Variants in TRPM2 observed in about 807,000 individuals in gnomAD.
TRPM2 encodes the protein estrogen-responsive element-associated gene 1 protein.
TRPM2 carries 161 observed loss-of-function variants against 174.0 expected under a neutral mutation model. The ratio of observed to expected loss-of-function variants is 0.93; its 90% CI spans 0.81 to 1.05. TRPM2 has a LOEUF of 1.05. Among genes scored for constraint, TRPM2 ranks in the 50% least tolerant of loss-of-function variants. The probability of loss-of-function intolerance (pLI) is 0.00; values close to 1 mark genes in which losing one functional copy is unlikely to be tolerated. For synonymous variants in TRPM2, 954 were observed against 861.3 expected, an observed-to-expected ratio of 1.11 and a Z score of -1.88; for missense variants, 2,057 against 2,038.0, an observed-to-expected ratio of 1.01 and a Z score of -0.18.
chr21:44,420,730 A>C (rs2050518991), intron 22 of TRPM2, among the ~76,000 whole-genome samples: 1 of 152,224 alleles, frequency 6.6e-6, no homozygotes, highest in Non-Finnish European at 1.5e-5. Flanking sequence ...TCCGCATGTC[A>C]GGATGAAGCT....
upstream of TRPM2, chr21:44,353,495 T>C (rs2047964410): frequency 3.2e-6 from 2 of 625,778 alleles, no homozygotes; most frequent in Non-Finnish European, 2.4e-6. Flanking sequence ...GCTGGGAACA[T>C]GTGCAGGCTG....
At chr21:44,352,043 G>A (rs1263229185), upstream of TRPM2, among the ~76,000 whole-genome samples, 1 of 152,184 alleles carries the variant, frequency 6.6e-6, no homozygotes, top group Non-Finnish European at 1.5e-5. Flanking sequence ...GCCTGCCTGG[G>A]GAGCCACCTG....
chr21:44,435,320 C>T, intron 28 of TRPM2, 103 bp downstream of exon 28: 1 of 1,298,458 alleles, frequency 7.7e-7, no homozygotes, highest in Non-Finnish European at 1.1e-6. Flanking sequence ...GGGAGGGCGG[C>T]TTTGATGCTT....
At chr21:44,402,981 G>A (rs1475061935) in intron 16 of TRPM2, among the ~76,000 whole-genome samples, 1 of 152,162 alleles carries the variant, frequency 6.6e-6, no homozygotes, top group Non-Finnish European at 1.5e-5. Flanking sequence ...CTGGGGCCCT[G>A]GGGGAGGCAC....
intron 2 of TRPM2, among the ~76,000 whole-genome samples, chr21:44,362,364 A>G (rs1378563325): frequency 6.6e-6 from 1 of 150,688 alleles, no homozygotes; most frequent in East Asian, 1.9e-4. Flanking sequence ...AAAAAAAAAA[A>G]AGCCAGATGT....
intron 27 of TRPM2, among the ~76,000 whole-genome samples, chr21:44,431,400 A>G (rs1385989389): frequency 1.3e-5 from 2 of 151,682 alleles, no homozygotes; most frequent in African/African-American, 4.8e-5. Flanking sequence ...CTGCCTCCTC[A>G]AGTGCTGGGA....
rs921019249 is a variant in TRPM2 at position 44,391,810 on chromosome 21, C to T, written c.1794+185C>T. Among the ~76,000 whole-genome samples, 3 of 152,180 alleles carry T rather than the reference C, an allele frequency of 2.0e-5. No individual in the cohort carries two copies. Among genetic ancestry groups the T allele is most frequent in the East Asian group, 1.9e-4 (1 of 5,192 alleles). ...GGCAGAAACTACCAGTTTATTTTCT[C>T]GAAGTTCTGGAAGCCCGAAGTCCCA... On this transcript the variant is annotated intron_variant, in intron 11 of 31. Transcript: ENST00000397928. This position sits in a 1 kb window ranked among gnomAD's most constrained non-coding sequence, Gnocchi z 5.0.
At chr21:44,373,552 C>A (rs184134478) in intron 5 of TRPM2, among the ~76,000 whole-genome samples, 5 of 100,486 alleles carry the variant, frequency 5.0e-5, no homozygotes, top group African/African-American at 3.3e-5. Flanking sequence ...GCATTATATG[C>A]GACCTGCATT....
chr21:44,440,763 G>A (rs777938947), intron 30 of TRPM2, 26 bp from the exon 31 acceptor site: 13 of 1,605,590 alleles, frequency 8.1e-6, no homozygotes, highest in Admixed American at 3.3e-5. Context: ...CCTCGCTGTC[G>A]GGCTTACCCT....
Position 44,367,048 on chromosome 21 carries a change from C to A in TRPM2, c.604+114C>A. ...AAAAAGTCCCTGGGAGCCGCCGAGG[C>A]TGTGCCCCAGCCTGAGTCGGACCCA... On this transcript the variant is annotated intron_variant, in intron 4 of 31. Coordinates refer to ENST00000397928, the MANE Select transcript of TRPM2 (RefSeq NM_003307.4). The surrounding 1 kb of genome is among the most constrained non-coding windows in gnomAD (Gnocchi z 4.6). The A allele has an allele frequency of 7.7e-7, 1 of 1,293,584 alleles. No individual in the cohort carries two copies. The highest frequency in any genetic ancestry group is 1.0e-6 in the Non-Finnish European group (1 of 965,478). The allele number at this position is 1,293,584 out of a possible 1,614,324, so 80.1% of individuals were successfully genotyped here.
At chr21:44,436,986 G>C (rs1436211936) in intron 28 of TRPM2, 76 bp from the exon 29 acceptor site, 1 of 1,381,736 alleles carries the variant, frequency 7.2e-7, no homozygotes, top group Non-Finnish European at 9.9e-7. Context: ...CCCCAGGCAG[G>C]GCCAGCCCCG....
Position 44,425,401 on chromosome 21 carries a change from T to C in TRPM2, c.3638-269T>C, listed in dbSNP as rs891095752. On this transcript the variant is annotated intron_variant, in intron 24 of 31. Transcript: ENST00000397928. ...AGCATATTTGCCCTCGTAACCGCACTGCGAGTTCAGCTCATTGCCGAGGGC... is the reference window on the plus strand; with the variant it reads ...AGCATATTTGCCCTCGTAACCGCACCGCGAGTTCAGCTCATTGCCGAGGGC... 1.8e-5 allele frequency: 8 copies of C among 438,924 alleles called. No individual in the cohort carries two copies. In the South Asian group the frequency reaches 3.1e-4, roughly 17 times the overall value. The allele number at this position is 438,924 out of a possible 1,614,324, so 27.2% of individuals were successfully genotyped here.
intron 27 of TRPM2, among the ~76,000 whole-genome samples, chr21:44,429,673 T>G (rs1319728767): frequency 6.6e-6 from 1 of 152,220 alleles, no homozygotes; most frequent in Non-Finnish European, 1.5e-5. Flanking sequence ...CTAACAACTT[T>G]ATTAAACCTT....
rs777135438 is a variant in TRPM2 at position 44,353,746 on chromosome 21, G to A, written c.46G>A (p.Gly16Ser). Residue 16 changes from glycine to serine, a missense_variant, in exon 1 of 32, where the codon GGC becomes AGC. By Grantham distance (56) the Gly-to-Ser change is moderately conservative. Coordinates refer to ENST00000397928, the MANE Select transcript of TRPM2 (RefSeq NM_003307.4). ...GAAAGCTGGCTCGGAGCAGGAGGAGGGCTTTGAGGGGCTGCCCAGAAGGGT... is the reference window on the plus strand; with the variant it reads ...GAAAGCTGGCTCGGAGCAGGAGGAGAGCTTTGAGGGGCTGCCCAGAAGGGT... Reference protein sequence around the residue: ...LRKAGSEQEEGFEGLPRRVTD... With the variant: ...LRKAGSEQEESFEGLPRRVTD... 22 of 1,589,980 alleles carry A rather than the reference G, an allele frequency of 1.4e-5. No individual in the cohort carries two copies. The highest frequency in any genetic ancestry group is 1.9e-5 in the Non-Finnish European group (22 of 1,170,538).
chr21:44,440,598 A>G (rs1381095265), intron 30 of TRPM2, among the ~76,000 whole-genome samples, 191 bp from the exon 31 acceptor site: 4 of 152,344 alleles, frequency 2.6e-5, no homozygotes, highest in African/African-American at 7.2e-5. Flanking sequence ...TCTGTCCAGG[A>G]TGAAGCCCGC....
chr21:44,411,486 T>A (rs1025304710), intron 19 of TRPM2, among the ~76,000 whole-genome samples: 1 of 152,194 alleles, frequency 6.6e-6, no homozygotes, highest in African/African-American at 2.4e-5. Flanking sequence ...CTTTTAATAG[T>A]TTTTTAGTGG....
chr21:44,403,976 A>G (rs1435838657), intron 16 of TRPM2, among the ~76,000 whole-genome samples: 3 of 151,736 alleles, frequency 2.0e-5, no homozygotes, highest in East Asian at 3.9e-4. Context: ...ACACATGCAC[A>G]TACACATGCA....
chr21:44,434,676 C>T (rs906503138), intron 27 of TRPM2, among the ~76,000 whole-genome samples: 14 of 152,192 alleles, frequency 9.2e-5, no homozygotes, highest in African/African-American at 3.1e-4. Flanking sequence ...TCTGTGTGGC[C>T]TATCATCTGT....
intron 30 of TRPM2, among the ~76,000 whole-genome samples, chr21:44,440,064 C>T (rs578244642): frequency 5.8e-4 from 88 of 150,960 alleles, no homozygotes; most frequent in African/African-American, 1.6e-3. Context: ...GGGCCGGGTG[C>T]GCTGGCTCAC....
Sources: gnomAD v4.1 joint callset for allele counts (sites outside exome capture counted in the v4.1 genomes callset) on GRCh38, gnomAD v4.1.1 for gene constraint, Gnocchi (gnomAD v3.1) non-coding constraint, MANE v1.5 for transcripts, NCBI Gene and HGNC (gene_info 2026-07-23, HGNC 2026-07-21) for gene names.